Variants in DNM3 observed in about 807,000 individuals in gnomAD.
The protein encoded by DNM3 is dynamin 3.
Under a neutral mutation model 101.6 loss-of-function variants are expected in DNM3, and 47 were observed. The ratio of observed to expected loss-of-function variants is 0.46; its 90% CI spans 0.37 to 0.59. DNM3 has a LOEUF of 0.59. Among genes scored for constraint, DNM3 ranks in the 20% least tolerant of loss-of-function variants. DNM3 has a pLI of 0.00. For missense variants in DNM3, 849 were observed against 1,085.7 expected (o/e 0.78, Z 3.06); for synonymous variants, 385 against 387.9 (o/e 0.99, Z 0.09).
chr1:171,849,597 A>G (rs968116744), intron 1 of DNM3, among the ~76,000 whole-genome samples: 2 of 152,190 alleles, frequency 1.3e-5, no homozygotes, highest in Non-Finnish European at 2.9e-5. Context: ...AATAGAATAT[A>G]TTTGAGCCTT....
At chr1:172,087,182 CT>C (rs761893758) in intron 12 of DNM3, among the ~76,000 whole-genome samples, 6 of 152,140 alleles carry the variant, frequency 3.9e-5, no homozygotes, top group Non-Finnish European at 8.8e-5. Flanking sequence ...AGATCTGTTC[CT>C]TTGCTTCAAT....
chr1:172,010,842 T>C (rs1331852627), intron 4 of DNM3, among the ~76,000 whole-genome samples: 7 of 151,846 alleles, frequency 4.6e-5, no homozygotes, highest in African/African-American at 1.7e-4. Context: ...AAGAATTTTG[T>C]GCGTATTTGT....
At position 172,268,070 on chromosome 1, in the gene DNM3, C is replaced by T. The variant is rs142867484; in HGVS notation, c.1769+14388C>T. Among the ~76,000 whole-genome samples, 348 of 152,234 alleles carry T rather than the reference C, an allele frequency of 2.3e-3. 1 individual carries two copies. Among genetic ancestry groups the T allele is most frequent in the African/African-American group, 7.9e-3 (330 of 41,536 alleles). Reference sequence around the variant, plus strand: ...GGAGAGCCAGAAGACAATTTCAATTCTCTGTTCATAAGTTTTCACTTCTTT... The same window carrying T: ...GGAGAGCCAGAAGACAATTTCAATTTTCTGTTCATAAGTTTTCACTTCTTT... On this transcript the variant is annotated intron_variant, in intron 15 of 20. Transcript: ENST00000627582.
chr1:172,015,300 A>G (rs1202116271), intron 4 of DNM3, among the ~76,000 whole-genome samples: 1 of 152,156 alleles, frequency 6.6e-6, no homozygotes, highest in Admixed American at 6.5e-5. Flanking sequence ...TGATATCCAC[A>G]AAATAACTGA....
At chr1:172,287,667 G>T (rs1260715337) in intron 15 of DNM3, among the ~76,000 whole-genome samples, 1 of 151,940 alleles carries the variant, frequency 6.6e-6, no homozygotes, top group African/African-American at 2.4e-5. Context: ...CTTTGGCAAT[G>T]AATCATGGTA....
At chr1:172,405,640 T>A (rs1269124423) in intron 20 of DNM3, among the ~76,000 whole-genome samples, 1 of 152,016 alleles carries the variant, frequency 6.6e-6, no homozygotes, top group Non-Finnish European at 1.5e-5. Context: ...ATCACCTAAT[T>A]AATTCCATTA....
At chr1:171,949,386 T>G (rs1245896384) in intron 2 of DNM3, among the ~76,000 whole-genome samples, 1 of 152,186 alleles carries the variant, frequency 6.6e-6, no homozygotes, top group East Asian at 1.9e-4. Context: ...TTGAGGGAAA[T>G]AAAAATTAAA....
intron 1 of DNM3, among the ~76,000 whole-genome samples, chr1:171,854,621 A>T (rs1304659909): frequency 6.6e-6 from 1 of 152,102 alleles, no homozygotes; most frequent in Non-Finnish European, 1.5e-5. Flanking sequence ...GTTTACATGA[A>T]ATCTTTCTTG....
chr1:172,343,364 T>C (rs1038480492), intron 17 of DNM3, among the ~76,000 whole-genome samples: 19 of 152,232 alleles, frequency 1.2e-4, no homozygotes, highest in African/African-American at 4.1e-4. Context: ...GAAACTGTTA[T>C]AGATTATGTC....
In DNM3 at chr1:172,395,170, G is replaced by A. The variant is rs950932747; in HGVS notation, c.2522+6361G>A. Among the ~76,000 whole-genome samples the A allele has an allele frequency of 1.2e-4, 15 of 126,996 alleles. No individual in the cohort carries two copies. The South Asian group carries it at 4.4e-3, about 37-fold the overall frequency. 83.3% of individuals were successfully genotyped at this position (126,996 alleles called of 152,430 possible). ...TCCTTCTTTCTGTGAAAGATCAGAA[G>A]CAATTTTTTTTTTTTTTTTTTTGAG... On this transcript the variant is annotated intron_variant, in intron 20 of 20. Coordinates refer to ENST00000627582, the MANE Select transcript of DNM3 (RefSeq NM_015569.5).
At chr1:172,390,923 C>G (rs566740948) in intron 20 of DNM3, among the ~76,000 whole-genome samples, 1 of 152,170 alleles carries the variant, frequency 6.6e-6, no homozygotes, top group Non-Finnish European at 1.5e-5. Context: ...TGCTTGACTG[C>G]TTTACCTGTG....
chr1:172,332,368 A>C lies in DNM3; in HGVS notation c.1893+9028A>C, dbSNP rs190368127. On this transcript the variant is annotated intron_variant, in intron 17 of 20. Transcript: ENST00000627582. ...TCTGTCACTGAGGCTGGAGTGCAGA[A>C]GTGTGATTTCAGCTCACTGCAACCT... is the stretch of plus-strand genomic sequence containing the variant. Among the ~76,000 whole-genome samples the C allele has an allele frequency of 2.1e-4, 32 of 152,250 alleles. No homozygotes were observed. In the East Asian group the frequency reaches 5.8e-3, roughly 28 times the overall value.
chr1:172,281,067 T>TTGTGTG (rs141875053), intron 15 of DNM3, among the ~76,000 whole-genome samples: 19 of 148,718 alleles, frequency 1.3e-4, no homozygotes, highest in Middle Eastern at 3.4e-3. Flanking sequence ...TGTGATAATA[T>TTGTGTG]TGTGTGTGTG....
At chr1:172,179,107 G>C (rs964445431) in intron 14 of DNM3, among the ~76,000 whole-genome samples, 3 of 151,942 alleles carry the variant, frequency 2.0e-5, no homozygotes, top group Non-Finnish European at 4.4e-5. Flanking sequence ...CTTTCAGAAT[G>C]TCACCTCTAA....
intron 12 of DNM3, among the ~76,000 whole-genome samples, chr1:172,087,978 C>A (rs1184567243): frequency 6.6e-6 from 1 of 152,218 alleles, no homozygotes; most frequent in Non-Finnish European, 1.5e-5. Context: ...TTTGCTTTAA[C>A]ACATGCCTAT....
At chr1:172,024,118 C>A (rs2048033005) in intron 4 of DNM3, among the ~76,000 whole-genome samples, 1 of 151,932 alleles carries the variant, frequency 6.6e-6, no homozygotes, top group Non-Finnish European at 1.5e-5. Flanking sequence ...TTTCATATTA[C>A]AATGTTTATT....
Position 172,409,232 on chromosome 1 carries a change from C to T in DNM3, c.*1391C>T. ...CACTGAGTAGGGGTGTCCCATGACA[C>T]TATTTCATATTCTACAGAAGTAAAT... On this transcript the variant is annotated 3_prime_UTR_variant, in exon 21 of 21. Coordinates refer to ENST00000627582, the MANE Select transcript of DNM3 (RefSeq NM_015569.5). The T allele has an allele frequency of 3.0e-6, 3 of 985,360 alleles. No individual in the cohort carries two copies. Among genetic ancestry groups the T allele is most frequent in the South Asian group, 9.4e-5 (2 of 21,290 alleles). 61.0% of individuals were successfully genotyped at this position (985,360 alleles called of 1,614,324 possible). A position where few individuals can be genotyped will look rare whatever the true frequency, so the allele number is the denominator to read the frequency against.
At chr1:172,363,435 A>G (rs1201182298) in intron 17 of DNM3, among the ~76,000 whole-genome samples, 1 of 151,916 alleles carries the variant, frequency 6.6e-6, no homozygotes, top group African/African-American at 2.4e-5. Context: ...ACATCTGAGC[A>G]TATTATTTTA....
rs574246260 is a variant in DNM3, at chr1:171,926,791, G to GA, written c.235+4978dup. The stretch of plus-strand genomic sequence containing the variant: ...CATCTGAAAATCATATCAGTGGAAT[G>GA]AAAAAAAATCACAGAATTACCTCAA... On this transcript the variant is annotated intron_variant, in intron 2 of 20. Coordinates refer to ENST00000627582, the MANE Select transcript of DNM3 (RefSeq NM_015569.5). Among the ~76,000 whole-genome samples, 218 of 151,796 alleles carry GA rather than the reference G, an allele frequency of 1.4e-3. 1 individual carries two copies. The highest frequency in any genetic ancestry group is 2.3e-3 in the Non-Finnish European group (156 of 67,888).
Sources: allele counts gnomAD v4.1 joint callset (sites outside exome capture counted in the v4.1 genomes callset), GRCh38; gene constraint gnomAD v4.1.1; transcripts MANE v1.5; gene names NCBI Gene and HGNC (gene_info 2026-07-23, HGNC 2026-07-21).